Variants in SPMIP2 observed in about 807,000 individuals in gnomAD.
The protein encoded by SPMIP2 is protein SPMIP2.
At chr4:159,047,590 T>C in the SPMIP2 span, among the ~76,000 whole-genome samples, 1 of 152,308 alleles carries the variant, frequency 6.6e-6, no homozygotes, top group East Asian at 1.9e-4. Context: ...ATCTGTTGAG[T>C]CATAGTCACA....
the SPMIP2 span, among the ~76,000 whole-genome samples, chr4:159,028,824 G>A: frequency 2.0e-5 from 3 of 151,986 alleles, no homozygotes; most frequent in Non-Finnish European, 2.9e-5. Flanking sequence ...AGGCAGGTGC[G>A]GTGGCTCACA....
At chr4:158,914,225 T>C in the SPMIP2 span, among the ~76,000 whole-genome samples, 1 of 152,192 alleles carries the variant, frequency 6.6e-6, no homozygotes, top group Non-Finnish European at 1.5e-5. Flanking sequence ...CTTGGACCCA[T>C]CTCAAAATTC....
the SPMIP2 span, chr4:158,960,367 G>A: frequency 7.1e-7 from 1 of 1,417,550 alleles, no homozygotes. Flanking sequence ...GAAAATTAAT[G>A]TACCATAATT....
the SPMIP2 span, among the ~76,000 whole-genome samples, chr4:159,023,437 C>T: frequency 6.6e-6 from 1 of 152,210 alleles, no homozygotes; most frequent in Non-Finnish European, 1.5e-5. Flanking sequence ...CCCTCATAAT[C>T]ACATGAGCCA....
chr4:158,982,400 C>T, the SPMIP2 span, among the ~76,000 whole-genome samples: 2 of 152,294 alleles, frequency 1.3e-5, no homozygotes, highest in African/African-American at 4.8e-5. Flanking sequence ...GAACTCTCCA[C>T]CCCAAATCAA....
chr4:158,963,581 C>G, the SPMIP2 span, among the ~76,000 whole-genome samples: 1 of 152,144 alleles, frequency 6.6e-6, no homozygotes, highest in East Asian at 1.9e-4. Flanking sequence ...ATTACTGTGC[C>G]CAGCCAGTAG....
chr4:158,978,878 C>T, the SPMIP2 span, among the ~76,000 whole-genome samples: 1,631 of 152,104 alleles, frequency 0.011, 18 homozygotes, highest in Middle Eastern at 0.048. Flanking sequence ...TCCAATTTTG[C>T]CACTCTGTAC....
the SPMIP2 span, among the ~76,000 whole-genome samples, chr4:159,059,020 T>C: frequency 6.6e-6 from 1 of 152,242 alleles, no homozygotes; most frequent in Non-Finnish European, 1.5e-5. Flanking sequence ...GATAAAATAA[T>C]TCACCTTGAA....
the SPMIP2 span, among the ~76,000 whole-genome samples, chr4:159,042,254 T>A: frequency 6.6e-6 from 1 of 152,350 alleles, no homozygotes; most frequent in Admixed American, 6.5e-5. Context: ...CCAGCTCAAG[T>A]CTCTGGAGGT....
chr4:159,061,458 C>T, the SPMIP2 span, among the ~76,000 whole-genome samples: 56 of 151,990 alleles, frequency 3.7e-4, no homozygotes, highest in Middle Eastern at 6.8e-3. Flanking sequence ...ATGGCATGGG[C>T]GCCTCCATTT....
chr4:158,920,325 A>G, the SPMIP2 span, among the ~76,000 whole-genome samples: 4 of 152,336 alleles, frequency 2.6e-5, no homozygotes, highest in South Asian at 8.3e-4. Context: ...TTTAGGGAAC[A>G]AGGGAAGACA....
At chr4:159,009,367 C>T in the SPMIP2 span, among the ~76,000 whole-genome samples, 1 of 152,302 alleles carries the variant, frequency 6.6e-6, no homozygotes, top group East Asian at 1.9e-4. Context: ...AGCAATCTGT[C>T]TTAACAATCC....
At chr4:159,036,304 C>T in the SPMIP2 span, among the ~76,000 whole-genome samples, 3 of 152,134 alleles carry the variant, frequency 2.0e-5, no homozygotes, top group Non-Finnish European at 2.9e-5. Context: ...GGCTTGTAGC[C>T]CAGCTGGAGG....
At chr4:159,044,183 GGAAGTTTGAGCT>G in the SPMIP2 span, among the ~76,000 whole-genome samples, 6 of 151,832 alleles carry the variant, frequency 4.0e-5, no homozygotes, top group Admixed American at 2.0e-4. Flanking sequence ...TCAGTGGCAA[GGAAGTTTGAGCT>G]GAAGGGGAGG....
chr4:159,014,258 G>A, the SPMIP2 span, among the ~76,000 whole-genome samples: 2 of 152,280 alleles, frequency 1.3e-5, no homozygotes, highest in African/African-American at 4.8e-5. Flanking sequence ...ATGGAGACCA[G>A]CCTGGCCAAC....
the SPMIP2 span, among the ~76,000 whole-genome samples, chr4:158,968,126 T>C: frequency 6.6e-6 from 1 of 152,014 alleles, no homozygotes; most frequent in Admixed American, 6.6e-5. Context: ...ACTTCCCGGG[T>C]TCAAGCAGTT....
chr4:159,056,601 C>T, the SPMIP2 span, among the ~76,000 whole-genome samples: 8 of 152,110 alleles, frequency 5.3e-5, no homozygotes. Context: ...TTGCATGCAG[C>T]AAACTAAGAT....
the SPMIP2 span, among the ~76,000 whole-genome samples, chr4:158,919,520 A>G: frequency 6.6e-6 from 1 of 152,216 alleles, no homozygotes; most frequent in Non-Finnish European, 1.5e-5. Flanking sequence ...CAGAATGACC[A>G]TAATTTTGAG....
At chr4:158,926,771 C>T in the SPMIP2 span, among the ~76,000 whole-genome samples, 2 of 152,152 alleles carry the variant, frequency 1.3e-5, no homozygotes, top group African/African-American at 4.8e-5. Context: ...CACTTAACCA[C>T]ATATTCTCAC....
Sources: allele counts gnomAD v4.1 joint callset (sites outside exome capture counted in the v4.1 genomes callset), GRCh38; gene constraint gnomAD v4.1.1; transcripts MANE v1.5; gene names NCBI Gene and HGNC (gene_info 2026-07-23, HGNC 2026-07-21).